Variants in SPOCK1 observed in about 807,000 individuals in gnomAD.
The protein encoded by SPOCK1 is SPARC (osteonectin), cwcv and kazal like domains proteoglycan 1, also known as testican-1.
Under a neutral mutation model 55.3 loss-of-function variants are expected in SPOCK1, and 23 were observed. That is an observed-to-expected ratio of 0.42 (90% CI 0.30 to 0.59). The LOEUF (loss-of-function observed/expected upper bound fraction) is 0.59. Among genes scored for constraint, SPOCK1 ranks in the 20% least tolerant of loss-of-function variants. The pLI, the probability that SPOCK1 is intolerant of heterozygous loss-of-function variation, is 0.22. For synonymous variants in SPOCK1, 226 were observed against 221.0 expected (o/e 1.02, Z -0.20); for missense variants, 499 against 552.5 (o/e 0.90, Z 0.97).
intron 2 of SPOCK1, among the ~76,000 whole-genome samples, chr5:137,271,578 A>ACTACAGAACCTATGGTC (rs36033515): frequency 6.6e-6 from 1 of 151,934 alleles, no homozygotes; most frequent in Non-Finnish European, 1.5e-5. Context: ...ATCATAGCCA[A>ACTACAGAACCTATGGTC]CAGCCCATTT....
Position 137,300,953 on chromosome 5 carries a change from GT to G in SPOCK1, c.187-33899del, listed in dbSNP as rs149034240. Among the ~76,000 whole-genome samples the G allele has an allele frequency of 5.9e-3, 896 of 152,192 alleles. 8 individuals carry two copies. Among genetic ancestry groups the G allele is most frequent in the African/African-American group, 0.021 (866 of 41,506 alleles). On this transcript the variant is annotated intron_variant, in intron 2 of 10. Coordinates refer to ENST00000394945, the MANE Select transcript of SPOCK1 (RefSeq NM_004598.4). ...CCTCCCAGGTTCTGGTGGCCACTGGGTTTTTTTCCTCAAAGAGAAGAGGCTT... is the reference window on the plus strand; with the variant it reads ...CCTCCCAGGTTCTGGTGGCCACTGGGTTTTTTCCTCAAAGAGAAGAGGCTT...
intron 3 of SPOCK1, among the ~76,000 whole-genome samples, chr5:137,252,843 G>GCTGGAT: frequency 6.6e-6 from 1 of 152,282 alleles, no homozygotes; most frequent in South Asian, 2.1e-4. Flanking sequence ...GCCCTTTGGG[G>GCTGGAT]CTGTGGCATG....
intron 6 of SPOCK1, among the ~76,000 whole-genome samples, chr5:137,009,871 G>C (rs956774564): frequency 1.3e-5 from 2 of 152,074 alleles, no homozygotes; most frequent in African/African-American, 4.8e-5. Context: ...CCTGGTGCTT[G>C]GTCTCCCCTC....
At chr5:137,244,454 A>G (rs1184992952) in intron 3 of SPOCK1, among the ~76,000 whole-genome samples, 3 of 152,232 alleles carry the variant, frequency 2.0e-5, no homozygotes, top group Non-Finnish European at 4.4e-5. Flanking sequence ...TTTTTGAGGC[A>G]ACTAAAAAGA....
chr5:137,476,987 T>C (rs750383783), intron 2 of SPOCK1, among the ~76,000 whole-genome samples: 3 of 152,170 alleles, frequency 2.0e-5, no homozygotes, highest in Non-Finnish European at 2.9e-5. Flanking sequence ...ACTAAAAATA[T>C]ATGCCAAGGA....
chr5:137,223,613 C>T (rs1175789984), intron 3 of SPOCK1, among the ~76,000 whole-genome samples: 2 of 152,162 alleles, frequency 1.3e-5, no homozygotes, highest in African/African-American at 2.4e-5. Flanking sequence ...GGTTTCAACA[C>T]ATATTTTCAA....
rs184886131 is a variant in SPOCK1, at chr5:137,202,437, G to A, written c.233-61743C>T. On this transcript the variant is annotated intron_variant, in intron 3 of 10. Transcript: ENST00000394945. ...ACCAGAAAAGCCAGACTAATGCCCA[G>A]GACAAGCTGGTATTCCACTCCATTT... Among the ~76,000 whole-genome samples, 4 of 152,306 alleles carry A rather than the reference G, an allele frequency of 2.6e-5. No homozygotes were observed. In the East Asian group the frequency reaches 7.7e-4, roughly 29 times the overall value.
At chr5:137,336,633 A>G (rs1175603589) in intron 2 of SPOCK1, among the ~76,000 whole-genome samples, 1 of 152,176 alleles carries the variant, frequency 6.6e-6, no homozygotes, top group South Asian at 2.1e-4. Flanking sequence ...TCCTGGTAAC[A>G]GTCTCTGTGA....
At chr5:137,441,483 G>A (rs1356958561) in intron 2 of SPOCK1, among the ~76,000 whole-genome samples, 1 of 152,188 alleles carries the variant, frequency 6.6e-6, no homozygotes, top group Admixed American at 6.5e-5. Flanking sequence ...AATCAAATCA[G>A]CCATCTTAGC....
At chr5:137,127,322 A>T (rs964299749) in intron 4 of SPOCK1, among the ~76,000 whole-genome samples, 2 of 152,248 alleles carry the variant, frequency 1.3e-5, no homozygotes, top group African/African-American at 4.8e-5. Context: ...CACCTACTCC[A>T]GCAGCTCCAT....
chr5:137,342,216 GC>G (rs1446118103), intron 2 of SPOCK1, among the ~76,000 whole-genome samples: 5 of 152,152 alleles, frequency 3.3e-5, no homozygotes, highest in African/African-American at 4.8e-5. Flanking sequence ...CCTCACCTTG[GC>G]CCTCCTTGCT....
intron 2 of SPOCK1, among the ~76,000 whole-genome samples, chr5:137,409,034 C>A (rs1275822238): frequency 1.3e-5 from 2 of 152,182 alleles, no homozygotes; most frequent in African/African-American, 4.8e-5. Flanking sequence ...CATTTTAGAG[C>A]ACAGCCTATC....
chr5:137,167,329 T>C (rs1366294258), intron 3 of SPOCK1, among the ~76,000 whole-genome samples: 1 of 151,898 alleles, frequency 6.6e-6, no homozygotes, highest in East Asian at 1.9e-4. Flanking sequence ...AGTAAATATT[T>C]GATCTAAAGA....
At chr5:137,247,733 T>G (rs989655314) in intron 3 of SPOCK1, among the ~76,000 whole-genome samples, 1 of 152,190 alleles carries the variant, frequency 6.6e-6, no homozygotes, top group Non-Finnish European at 1.5e-5. Context: ...TGGTGAGGGC[T>G]TTCCTGCTGC....
intron 2 of SPOCK1, among the ~76,000 whole-genome samples, chr5:137,300,889 T>C (rs1453516780): frequency 1.3e-5 from 2 of 152,190 alleles, no homozygotes; most frequent in African/African-American, 4.8e-5. Context: ...TGAACACAGA[T>C]TGTACCAAGT....
chr5:137,220,634 G>T (rs1755829690), intron 3 of SPOCK1, among the ~76,000 whole-genome samples: 3 of 152,172 alleles, frequency 2.0e-5, no homozygotes, highest in Admixed American at 2.0e-4. Context: ...TAGTGTAATT[G>T]TTGGGTTTCT....
chr5:137,257,874 T>A (rs921702816), intron 3 of SPOCK1, among the ~76,000 whole-genome samples: 53 of 152,326 alleles, frequency 3.5e-4, no homozygotes, highest in African/African-American at 1.2e-3. Flanking sequence ...TTATTTCGTG[T>A]GTGTCTCTTG....
intron 2 of SPOCK1, among the ~76,000 whole-genome samples, chr5:137,430,339 A>G (rs146894680): frequency 5.1e-4 from 77 of 152,290 alleles, no homozygotes; most frequent in African/African-American, 1.8e-3. Context: ...CCCAGCTCAT[A>G]CTCCGCAATT....
Position 137,241,605 on chromosome 5 carries a change from T to G in SPOCK1, c.232+25405A>C, listed in dbSNP as rs113686006. On this transcript the variant is annotated intron_variant, in intron 3 of 10. Transcript: ENST00000394945. ...ATGAGAGCTCCACCCTCATGAATGA[T>G]GAATGTCAATTATAAAAGGATTCCA... Among the ~76,000 whole-genome samples, 1,021 of 152,304 alleles carry G rather than the reference T, an allele frequency of 6.7e-3. 23 individuals carry two copies. Among genetic ancestry groups the G allele is most frequent in the African/African-American group, 0.023 (955 of 41,566 alleles).
Sources: gnomAD v4.1 joint callset for allele counts (sites outside exome capture counted in the v4.1 genomes callset) on GRCh38, gnomAD v4.1.1 for gene constraint, MANE v1.5 for transcripts, NCBI Gene and HGNC (gene_info 2026-07-23, HGNC 2026-07-21) for gene names.